MERTK: variants seen among roughly 807,000 people sequenced by gnomAD.
MERTK encodes tyrosine-protein kinase Mer.
In MERTK, 69 loss-of-function variants were observed where a neutral mutation model predicts 99.3. The ratio of observed to expected loss-of-function variants is 0.70; its 90% CI spans 0.57 to 0.85. The LOEUF (loss-of-function observed/expected upper bound fraction) is 0.85. Ranked by LOEUF, MERTK falls within the 40% of genes least tolerant of loss-of-function variation. The pLI is 0.00. For missense variants in MERTK, 1,125 were observed against 1,249.4 expected, an observed-to-expected ratio of 0.90 and a Z score of 1.50; for synonymous variants, 426 against 467.6, an observed-to-expected ratio of 0.91 and a Z score of 1.15.
At chr2:111,927,221 G>A (rs1268976777) in intron 1 of MERTK, among the ~76,000 whole-genome samples, 1 of 152,196 alleles carries the variant, frequency 6.6e-6, no homozygotes, top group East Asian at 1.9e-4. Context: ...AGCCATGAGA[G>A]TTGGCCCCCA....
chr2:112,018,664 A>C (rs892092038), intron 15 of MERTK, among the ~76,000 whole-genome samples: 15 of 152,168 alleles, frequency 9.9e-5, no homozygotes, highest in African/African-American at 3.6e-4. Context: ...CCATGATTGC[A>C]CTAAAACACT....
chr2:111,941,950 A>T (rs928537618), intron 2 of MERTK, among the ~76,000 whole-genome samples: 1 of 152,202 alleles, frequency 6.6e-6, no homozygotes, highest in Non-Finnish European at 1.5e-5. Flanking sequence ...TCTACAGTCC[A>T]GGGTGAGCTG....
intron 2 of MERTK, among the ~76,000 whole-genome samples, chr2:111,931,415 A>C (rs960901258): frequency 2.0e-5 from 3 of 152,234 alleles, no homozygotes; most frequent in African/African-American, 4.8e-5. Context: ...GCTTCTGAAG[A>C]GATAAGTAAA....
chr2:111,974,755 G>A (rs1306534348), intron 6 of MERTK, among the ~76,000 whole-genome samples: 1 of 112,566 alleles, frequency 8.9e-6, no homozygotes, highest in Non-Finnish European at 1.6e-5. Flanking sequence ...GGCAAAGAGA[G>A]CGAAGGTCCA....
At chr2:111,902,302 T>C (rs1684058655) in intron 1 of MERTK, among the ~76,000 whole-genome samples, 1 of 152,238 alleles carries the variant, frequency 6.6e-6, no homozygotes, top group Non-Finnish European at 1.5e-5. Context: ...TGCCTGTGAA[T>C]TGGGAACATG....
intron 1 of MERTK, among the ~76,000 whole-genome samples, chr2:111,927,778 T>G (rs1187129990): frequency 1.3e-5 from 2 of 152,168 alleles, no homozygotes; most frequent in African/African-American, 4.8e-5. Context: ...CCCTACTCCC[T>G]GCACACACAC....
Position 111,997,342 on chromosome 2 carries a change from C to T in MERTK, c.1470C>T (p.Pro490=). Residue 490 remains proline, a synonymous_variant, in exon 10 of 19, where the codon CCC becomes CCT. Coordinates refer to ENST00000295408, the MANE Select transcript of MERTK (RefSeq NM_006343.3). Reference sequence around the variant, plus strand: ...CACCAGGTTGGGTAGATTATGCCCCCTCTTCAACTCCGGCGCCTGGCAACG... The same window carrying T: ...CACCAGGTTGGGTAGATTATGCCCCTTCTTCAACTCCGGCGCCTGGCAACG... ...IPAHGWVDYA[P]SSTPAPGNAD... is the part of the protein sequence containing the mutation. 6.2e-7 allele frequency: 1 copy of T among 1,614,150 alleles called. No individual in the cohort carries two copies. The highest frequency in any genetic ancestry group is 1.3e-5 in the African/African-American group (1 of 75,040).
At chr2:111,969,226 A>C (rs1676029853) in intron 6 of MERTK, among the ~76,000 whole-genome samples, 1 of 152,156 alleles carries the variant, frequency 6.6e-6, no homozygotes, top group African/African-American at 2.4e-5. Flanking sequence ...TACTTAACAC[A>C]CGCTGCACTG....
chr2:111,918,488 C>T (rs1684394031), intron 1 of MERTK, among the ~76,000 whole-genome samples: 1 of 152,190 alleles, frequency 6.6e-6, no homozygotes, highest in Admixed American at 6.5e-5. Flanking sequence ...CCCAGACCCC[C>T]AGAGGGGAAA....
chr2:111,998,427 C>G (rs1407302446), intron 10 of MERTK, among the ~76,000 whole-genome samples: 2 of 152,190 alleles, frequency 1.3e-5, no homozygotes, highest in African/African-American at 4.8e-5. Context: ...CTGCTAGGCA[C>G]TGGGCACTGC....
rs1209105449 is a variant in MERTK, at chr2:112,019,522, T to C, written c.2189T>C (p.Met730Thr). The C allele has an allele frequency of 5.0e-6, 8 of 1,604,504 alleles. No homozygotes were observed. The highest frequency in any genetic ancestry group is 1.3e-5 in the African/African-American group (1 of 74,850). The change falls in exon 16 of 19, where the codon ATG becomes ACG. Residue 730 changes from methionine to threonine, a missense_variant and splice_region_variant. Met to Thr is a moderately conservative substitution (Grantham distance 81, BLOSUM62 -1). Coordinates refer to ENST00000295408, the MANE Select transcript of MERTK (RefSeq NM_006343.3). ...LHRDLAARNC[M>T]LRDDMTVCVA... ...CGAGATTTAGCTGCTCGAAACTGCA[T>C]GTAAGAGTCCTCGGCTATCCTGGAA...
intron 7 of MERTK, among the ~76,000 whole-genome samples, chr2:111,979,105 T>C (rs572408540): frequency 1.2e-4 from 18 of 152,332 alleles, no homozygotes; most frequent in Admixed American, 3.9e-4. Context: ...TTTAGAGGCA[T>C]CCTAAGGATT....
chr2:111,980,412 CTTTTTTTTTT>C (rs34831521), intron 7 of MERTK, among the ~76,000 whole-genome samples: 4 of 100,980 alleles, frequency 4.0e-5, no homozygotes, highest in South Asian at 3.9e-4. Flanking sequence ...GCAACTATTT[CTTTTTTTTTT>C]TTTTTTTTTT....
In MERTK at chr2:112,008,574, G is replaced by A. The variant is rs372817745; in HGVS notation, c.1960+99G>A. ...TCTGGTGTAGATAAGTTTACACTTC[G>A]TATAACCCCAACATAACTTATAACA... On this transcript the variant is annotated intron_variant, in intron 14 of 18. Coordinates refer to ENST00000295408, the MANE Select transcript of MERTK (RefSeq NM_006343.3). The A allele has an allele frequency of 1.0e-4, 87 of 868,460 alleles. 1 individual carries two copies. Among genetic ancestry groups the A allele is most frequent in the Non-Finnish European group, 1.5e-4 (73 of 502,398 alleles). The allele number at this position is 868,460 out of a possible 1,614,324, so 53.8% of individuals were successfully genotyped here. A position where few individuals can be genotyped will look rare whatever the true frequency, so the allele number is the denominator to read the frequency against.
chr2:111,951,714 A>C (rs1356965505), intron 4 of MERTK, among the ~76,000 whole-genome samples: 1 of 151,612 alleles, frequency 6.6e-6, no homozygotes, highest in Non-Finnish European at 1.5e-5. Context: ...TTGATGAATC[A>C]TATGGTAGTT....
At chr2:111,916,452 C>T (rs761729628) in intron 1 of MERTK, among the ~76,000 whole-genome samples, 38 of 151,774 alleles carry the variant, frequency 2.5e-4, no homozygotes, top group Non-Finnish European at 4.6e-4. Context: ...TTTAGTATAC[C>T]GATTCTTTCT....
chr2:111,899,200 C>A (rs6729037), intron 1 of MERTK, among the ~76,000 whole-genome samples: 2 of 152,064 alleles, frequency 1.3e-5, no homozygotes, highest in African/African-American at 4.8e-5. Context: ...ATGGTGGGGC[C>A]CCGCTCTGGC....
chr2:111,968,595 G>A (rs1325871046), intron 6 of MERTK, among the ~76,000 whole-genome samples: 1 of 151,632 alleles, frequency 6.6e-6, no homozygotes, highest in Non-Finnish European at 1.5e-5. Flanking sequence ...GTACAATGGT[G>A]TGATCCCGGC....
At chr2:111,960,500 AAG>A (rs1685229748) in intron 4 of MERTK, among the ~76,000 whole-genome samples, 1 of 148,958 alleles carries the variant, frequency 6.7e-6, no homozygotes, top group East Asian at 1.9e-4. Flanking sequence ...AAAAAAAAAA[AAG>A]AAAAGAAAAT....
Sources: gnomAD v4.1 joint callset for allele counts (sites outside exome capture counted in the v4.1 genomes callset) on GRCh38, gnomAD v4.1.1 for gene constraint, MANE v1.5 for transcripts, NCBI Gene and HGNC (gene_info 2026-07-23, HGNC 2026-07-21) for gene names.